The following PDS5A variants were observed in gnomAD, a reference collection of about 807,000 sequenced individuals.
PDS5A encodes the protein PDS5 cohesin associated factor A, also known as sister chromatid cohesion protein PDS5 homolog A.
Under a neutral mutation model 167.1 loss-of-function variants are expected in PDS5A, and 42 were observed. The ratio of observed to expected loss-of-function variants is 0.25; its 90% CI spans 0.20 to 0.33. PDS5A has a LOEUF of 0.33. PDS5A is among the 10% of genes least tolerant of loss of function. The pLI is 1.00. For missense variants in PDS5A, 1,033 were observed against 1,605.9 expected, an observed-to-expected ratio of 0.64 and a Z score of 6.10; for synonymous variants, 553 against 554.6, an observed-to-expected ratio of 1.00 and a Z score of 0.04.
chr4:39,911,395 C>CAA (rs140894540), intron 9 of PDS5A, among the ~76,000 whole-genome samples: 17 of 128,612 alleles, frequency 1.3e-4, no homozygotes, highest in Admixed American at 1.0e-3. Flanking sequence ...GACTCCGTCT[C>CAA]AAAAAAAAAA....
chr4:39,919,116 G>A (rs922900096), intron 7 of PDS5A, among the ~76,000 whole-genome samples: 1 of 151,972 alleles, frequency 6.6e-6, no homozygotes, highest in African/African-American at 2.4e-5. Flanking sequence ...AGTAATCCAA[G>A]TAATACTAAT....
rs1560465140 is a variant in PDS5A at position 39,898,845 on chromosome 4, CAAA to C, written c.1582-23_1582-21del. 1 of 1,552,776 alleles carries C rather than the reference CAAA, an allele frequency of 6.4e-7. No individual in the cohort carries two copies. Among genetic ancestry groups the C allele is most frequent in the East Asian group, 2.3e-5 (1 of 43,892 alleles). Reference sequence around the variant, plus strand: ...CTCTGACTGAAATTTAAAACAGAAACAAAAGAACAACTAGTCATATGTGTTAAC... The same window carrying C: ...CTCTGACTGAAATTTAAAACAGAAACAGAACAACTAGTCATATGTGTTAAC... On this transcript the variant is annotated intron_variant, in intron 14 of 32. Transcript: ENST00000303538.
rs1468614121 is a variant in PDS5A at position 39,825,497 on chromosome 4, T to TA, written c.4011-10dup. 20 of 1,575,296 alleles carry TA rather than the reference T, an allele frequency of 1.3e-5. No homozygotes were observed. The highest frequency in any genetic ancestry group is 1.6e-5 in the Non-Finnish European group (18 of 1,156,272). ...TGCAAATGCATTTTTACCTTAGGGT[T>TA]AAGAATAGAACGCAAAGTTAGAAAA... On this transcript the variant is annotated splice_polypyrimidine_tract_variant and intron_variant, in intron 32 of 32. Coordinates refer to ENST00000303538, the MANE Select transcript of PDS5A (RefSeq NM_001100399.2).
At chr4:39,931,018 T>G (rs944968100) in intron 2 of PDS5A, among the ~76,000 whole-genome samples, 1 of 152,170 alleles carries the variant, frequency 6.6e-6, no homozygotes, top group African/African-American at 2.4e-5. Flanking sequence ...AAACAAAAGA[T>G]AGAGAAGGGC....
intron 2 of PDS5A, among the ~76,000 whole-genome samples, chr4:39,935,498 C>T (rs1052794438): frequency 6.6e-6 from 1 of 152,112 alleles, no homozygotes; most frequent in Non-Finnish European, 1.5e-5. Flanking sequence ...GCTTTTGGGT[C>T]GAGGTGTTCA....
chr4:39,974,139 G>A, intron 2 of PDS5A: 6 of 573,670 alleles, frequency 1.0e-5, no homozygotes, highest in Admixed American at 5.7e-5. Flanking sequence ...AATAAAAACC[G>A]TGCTGCATAC....
chr4:39,876,866 AAAGTAGCT>A, intron 19 of PDS5A, 119 bp downstream of exon 19: 1 of 620,428 alleles, frequency 1.6e-6, no homozygotes, highest in Non-Finnish European at 2.7e-6. Context: ...AGGACACAGA[AAAGTAGCT>A]TCTAAATCAA....
At position 39,924,797 on chromosome 4, in the gene PDS5A, C is replaced by T. The variant is rs543566642; in HGVS notation, c.527+1039G>A. 3.9e-5 allele frequency among the ~76,000 whole-genome samples: 6 copies of T among 152,298 alleles called. No individual in the cohort carries two copies. In the South Asian group the frequency reaches 1.2e-3, roughly 32 times the overall value. ...TAATGCTCTAGAACACTTCTCATAA[C>T]AGTGCTTAATTTACTATACAAAAAA... On this transcript the variant is annotated intron_variant, in intron 5 of 32. Transcript: ENST00000303538.
chr4:39,947,448 A>AG (rs57613486), intron 2 of PDS5A, among the ~76,000 whole-genome samples: 3,813 of 152,114 alleles, frequency 0.025, 155 homozygotes, highest in East Asian at 0.18. Flanking sequence ...ACTGTCTGAA[A>AG]GGGGGGAAAA....
intron 2 of PDS5A, among the ~76,000 whole-genome samples, chr4:39,949,498 T>C (rs926550411): frequency 1.2e-4 from 18 of 151,816 alleles, no homozygotes; most frequent in African/African-American, 4.4e-4. Context: ...TAATAGCTAA[T>C]GGACACAGGG....
At chr4:39,951,791 T>G (rs953013979) in intron 2 of PDS5A, among the ~76,000 whole-genome samples, 33 of 149,392 alleles carry the variant, frequency 2.2e-4, no homozygotes, top group African/African-American at 6.4e-4. Context: ...TCCCAGCTAC[T>G]CAGGAGGCTG....
intron 2 of PDS5A, chr4:39,973,708 C>A: frequency 7.8e-7 from 1 of 1,285,702 alleles, no homozygotes; most frequent in Non-Finnish European, 1.1e-6. Context: ...GTGCCAGGCT[C>A]ACTTCACTAA....
In PDS5A at chr4:39,900,510, G is replaced by A. The variant is rs1317741037; in HGVS notation, c.1500-3C>T. 6.4e-7 allele frequency: 1 copy of A among 1,552,780 alleles called. No homozygotes were observed. The highest frequency in any genetic ancestry group is 1.9e-5 in the Admixed American group (1 of 53,028). ...ACTTCCACATTTCGTTGAGAGCTCT[G>A]TAAAGTTATGAATATGAAAACACAC... is the stretch of plus-strand genomic sequence containing the variant. On this transcript the variant is annotated splice_polypyrimidine_tract_variant and splice_region_variant and intron_variant, in intron 13 of 32. Transcript: ENST00000303538.
At chr4:39,881,658 T>G (rs1301283897) in intron 17 of PDS5A, among the ~76,000 whole-genome samples, 3 of 152,170 alleles carry the variant, frequency 2.0e-5, no homozygotes, top group Non-Finnish European at 4.4e-5. Flanking sequence ...ATCACTATCC[T>G]AAGTCAAACC....
chr4:39,913,458 T>C (rs571060965), intron 9 of PDS5A, among the ~76,000 whole-genome samples, 153 bp downstream of exon 9: 1 of 152,346 alleles, frequency 6.6e-6, no homozygotes, highest in South Asian at 2.1e-4. Context: ...AAATTTTTCA[T>C]ACAATTTATT....
At chr4:39,865,839 T>C (rs1719399277) in intron 23 of PDS5A, among the ~76,000 whole-genome samples, 1 of 152,238 alleles carries the variant, frequency 6.6e-6, no homozygotes. Flanking sequence ...CTAAAACAAA[T>C]TTTTAAAAAG....
chr4:39,975,033 G>A (rs1193427400), intron 2 of PDS5A, among the ~76,000 whole-genome samples: 3 of 151,360 alleles, frequency 2.0e-5, no homozygotes, highest in East Asian at 4.0e-4. Flanking sequence ...GCTTGAACCC[G>A]GGAGGTGGAG....
At chr4:39,907,716 A>G (rs1296544879) in intron 11 of PDS5A, among the ~76,000 whole-genome samples, 2 of 151,820 alleles carry the variant, frequency 1.3e-5, no homozygotes, top group Non-Finnish European at 2.9e-5. Context: ...CCTCCCGAGT[A>G]GCTGGGCCTA....
Position 39,883,412 on chromosome 4 carries a change from C to T in PDS5A, c.1887-3579G>A, listed in dbSNP as rs557034821. The stretch of plus-strand genomic sequence containing the variant: ...GCCAGGCTGGTCTTGAACTCCTGAC[C>T]GCAGGTGATCCGCCCACTTCGGCCT... On this transcript the variant is annotated intron_variant, in intron 17 of 32. Coordinates refer to ENST00000303538, the MANE Select transcript of PDS5A (RefSeq NM_001100399.2). 2.6e-5 allele frequency among the ~76,000 whole-genome samples: 4 copies of T among 152,286 alleles called. No individual in the cohort carries two copies. The East Asian group carries it at 5.8e-4, about 22-fold the overall frequency.
Sources: allele counts gnomAD v4.1 joint callset (sites outside exome capture counted in the v4.1 genomes callset), GRCh38; gene constraint gnomAD v4.1.1; transcripts MANE v1.5; gene names NCBI Gene and HGNC (gene_info 2026-07-23, HGNC 2026-07-21).